The following BMP8B variants were observed in gnomAD, a reference collection of about 807,000 sequenced individuals.
The protein encoded by BMP8B is bone morphogenetic protein 8b, also known as bone morphogenetic protein 8 (osteogenic protein 2).
A neutral mutation model predicts 30.3 loss-of-function variants in BMP8B; 17 were observed. The ratio of observed to expected loss-of-function variants is 0.56; its 90% confidence interval spans 0.38 to 0.84. The LOEUF (loss-of-function observed/expected upper bound fraction) is 0.84, where lower values mean the gene tolerates loss of function less well. BMP8B is among the 40% of genes least tolerant of loss of function. BMP8B has a pLI of 0.00. For missense variants in BMP8B, 253 were observed against 494.6 expected, an observed-to-expected ratio of 0.51 and a Z score of 4.63; for synonymous variants, 131 against 214.7, an observed-to-expected ratio of 0.61 and a Z score of 3.41.
chr1:39,785,901 G>C (rs568109708), intron 1 of BMP8B, among the ~76,000 whole-genome samples: 1 of 152,170 alleles, frequency 6.6e-6, no homozygotes, highest in Non-Finnish European at 1.5e-5. Context: ...GCAGAATAAA[G>C]AAGGCCTTTC....
intron 1 of BMP8B, among the ~76,000 whole-genome samples, chr1:39,779,814 A>G (rs1650501646): frequency 6.6e-6 from 1 of 152,202 alleles, no homozygotes; most frequent in South Asian, 2.1e-4. Flanking sequence ...GTGGCTGTGT[A>G]ACTCATTATG....
chr1:39,760,647 C>T, intron 6 of BMP8B, 79 bp from the exon 7 acceptor site: 1 of 1,517,398 alleles, frequency 6.6e-7, no homozygotes, highest in Non-Finnish European at 8.8e-7. Context: ...ACCCCAGCTC[C>T]ACCTGCTCCC....
chr1:39,763,716 C>T lies in BMP8B; in HGVS notation c.944G>A (p.Trp315Ter). Residue 315 changes from tryptophan to a stop codon, truncating the protein, a stop_gained, in exon 5 of 7, where the codon TGG (tryptophan) becomes TAG (stop). Transcript: ENST00000372827. LOFTEE classifies it high-confidence loss of function. Reference sequence around the variant, plus strand: ...ACAAGAAGAGTCAGCAATTACCAGCCAGCCGAGGTCCTGGAAGCTGACGTA... The same window carrying T: ...ACAAGAAGAGTCAGCAATTACCAGCTAGCCGAGGTCCTGGAAGCTGACGTA... ...ELYVSFQDLGWLDWVIAPQGY... is the reference protein window; with the variant it reads ...ELYVSFQDLG 4 of 1,600,058 alleles carry T rather than the reference C, an allele frequency of 2.5e-6. No homozygotes were observed. The highest frequency in any genetic ancestry group is 3.4e-6 in the Non-Finnish European group (4 of 1,173,100).
At chr1:39,769,484 TGCGCCTTGCAGTGCTCGAGAAAC>T (rs1255702478) in intron 3 of BMP8B, 2 of 544,716 alleles carry the variant, frequency 3.7e-6, no homozygotes, top group African/African-American at 3.9e-5. Flanking sequence ...ACTGCAGACC[TGCGCCTTGCAGTGCTCGAGAAAC>T]ACAGTGAGGA....
intron 3 of BMP8B, among the ~76,000 whole-genome samples, chr1:39,771,509 A>G (rs1428984581): frequency 6.6e-6 from 1 of 151,746 alleles, no homozygotes; most frequent in African/African-American, 2.4e-5. Flanking sequence ...AGCTGAGGTC[A>G]GGCTCCGCGA....
At position 39,763,912 on chromosome 1, in the gene BMP8B, C is replaced by G. The variant is rs1009090217; in HGVS notation, c.869-121G>C. ...TGTCAAATAAATGAATGACAGGAAACCATTTGGTCTCATAAAGCCCATCCC... is the reference window on the plus strand; with the variant it reads ...TGTCAAATAAATGAATGACAGGAAAGCATTTGGTCTCATAAAGCCCATCCC... On this transcript the variant is annotated intron_variant, in intron 4 of 6. Coordinates refer to ENST00000372827, the MANE Select transcript of BMP8B (RefSeq NM_001720.5). 3.3e-6 allele frequency: 4 copies of G among 1,228,938 alleles called. No individual in the cohort carries two copies. In the East Asian group the frequency reaches 7.3e-5, roughly 22 times the overall value. The allele number at this position is 1,228,938 out of a possible 1,614,324, so 76.1% of individuals were successfully genotyped here.
chr1:39,769,501 G>A (rs1384863345), intron 3 of BMP8B: 2 of 686,374 alleles, frequency 2.9e-6, no homozygotes, highest in South Asian at 2.9e-5. Context: ...TGCAGTGCTC[G>A]AGAAACACAG....
intron 1 of BMP8B, among the ~76,000 whole-genome samples, chr1:39,779,932 T>G (rs1650510829): frequency 7.7e-6 from 1 of 129,836 alleles, no homozygotes; most frequent in Non-Finnish European, 1.6e-5. Flanking sequence ...TCTTATGAGG[T>G]CACAGTCAAG....
intron 1 of BMP8B, among the ~76,000 whole-genome samples, chr1:39,783,529 T>G (rs1650790439): frequency 6.6e-6 from 1 of 152,194 alleles, no homozygotes; most frequent in African/African-American, 2.4e-5. Context: ...AGTTGACTTT[T>G]AAGATGGATA....
At position 39,784,563 on chromosome 1, in the gene BMP8B, C is replaced by A. The variant is rs1413849573; in HGVS notation, c.334+3589G>T. On this transcript the variant is annotated intron_variant, in intron 1 of 6. Transcript: ENST00000372827. The stretch of plus-strand genomic sequence containing the variant: ...GACTTTACTTCTCTCATTGTTATAT[C>A]CCCAGCAACTAGAACTCTGCCTGGT... Among the ~76,000 whole-genome samples, 21 of 106,514 alleles carry A rather than the reference C, an allele frequency of 2.0e-4. 1 individual carries two copies. The highest frequency in any genetic ancestry group is 4.3e-4 in the Non-Finnish European group (21 of 48,730). The allele number at this position is 106,514 out of a possible 152,430, so 69.9% of individuals were successfully genotyped here. A position where few individuals can be genotyped will look rare whatever the true frequency, so the allele number is the denominator to read the frequency against.
chr1:39,762,895 A>G (rs912537764), intron 6 of BMP8B, among the ~76,000 whole-genome samples, 197 bp downstream of exon 6: 4 of 152,212 alleles, frequency 2.6e-5, no homozygotes, highest in African/African-American at 4.8e-5. Flanking sequence ...TTTGGGTGCG[A>G]GTCTACGTGT....
At chr1:39,766,836 G>A (rs1464428692) in intron 3 of BMP8B, among the ~76,000 whole-genome samples, 1 of 151,252 alleles carries the variant, frequency 6.6e-6, no homozygotes, top group Non-Finnish European at 1.5e-5. Flanking sequence ...AGACAAGTGA[G>A]GTCACAACGG....
intron 1 of BMP8B, among the ~76,000 whole-genome samples, chr1:39,777,257 A>G (rs2138686): frequency 0.67 from 101,493 of 152,164 alleles, 34,156 homozygotes; most frequent in Middle Eastern, 0.79. Context: ...ACCTCTAAAT[A>G]TTTATTTTCT....
intron 1 of BMP8B, among the ~76,000 whole-genome samples, chr1:39,783,978 C>T (rs983083352): frequency 1.3e-5 from 2 of 152,200 alleles, no homozygotes; most frequent in East Asian, 3.8e-4. Context: ...CAACACAGTC[C>T]ATTTCAGCAG....
intron 1 of BMP8B, among the ~76,000 whole-genome samples, chr1:39,786,051 G>A (rs1650963864): frequency 6.6e-6 from 1 of 152,194 alleles, no homozygotes; most frequent in Non-Finnish European, 1.5e-5. Flanking sequence ...GAAATCCACA[G>A]CCGTGGATGT....
chr1:39,763,290 G>A (rs539084857), intron 5 of BMP8B, 88 bp from the exon 6 acceptor site: 116 of 1,312,320 alleles, frequency 8.8e-5, no homozygotes, highest in South Asian at 8.3e-4. Flanking sequence ...CTGCAGGGCC[G>A]TCTCCCCCAA....
chr1:39,777,161 G>A (rs1650291498), intron 1 of BMP8B, among the ~76,000 whole-genome samples: 1 of 152,198 alleles, frequency 6.6e-6, no homozygotes, highest in Non-Finnish European at 1.5e-5. Context: ...TTCCAAAGAT[G>A]TATTGGCAAA....
chr1:39,771,265 G>A (rs1038326948), intron 3 of BMP8B: 3 of 1,511,264 alleles, frequency 2.0e-6, no homozygotes, highest in African/African-American at 2.8e-5. Flanking sequence ...TAGTCGGCCC[G>A]GGTCGGAGGC....
intron 1 of BMP8B, among the ~76,000 whole-genome samples, chr1:39,783,688 A>AGTT (rs1650804830): frequency 6.6e-6 from 1 of 152,220 alleles, no homozygotes; most frequent in Non-Finnish European, 1.5e-5. Flanking sequence ...CAGGAGGATC[A>AGTT]GATGAGGCCA....
Sources: gnomAD v4.1 joint callset for allele counts (sites outside exome capture counted in the v4.1 genomes callset) on GRCh38, gnomAD v4.1.1 for gene constraint, MANE v1.5 for transcripts, NCBI Gene and HGNC (gene_info 2026-07-23, HGNC 2026-07-21) for gene names.